ALPK2: variants seen among roughly 807,000 people sequenced by gnomAD.
The protein encoded by ALPK2 is alpha-protein kinase 2.
ALPK2 carries 127 observed loss-of-function variants against 163.1 expected under a neutral mutation model. The observed-to-expected ratio is 0.78, with a 90% CI of 0.67 to 0.90. ALPK2 has a LOEUF of 0.90. ALPK2 is among the 40% of genes least tolerant of loss of function. ALPK2 has a pLI of 0.00. For synonymous variants in ALPK2, 953 were observed against 959.1 expected, an observed-to-expected ratio of 0.99 and a Z score of 0.12; for missense variants, 2,360 against 2,589.6, an observed-to-expected ratio of 0.91 and a Z score of 1.92.
rs369763822 is a variant in ALPK2 at position 58,513,971 on chromosome 18, C to G, written c.6029+1022G>C. ...GTCCCTGCTGGAGGGCACTGTGGTT[C>G]TGTGTGTGGTAGGGTTGACTTGTGG... On this transcript the variant is annotated intron_variant, in intron 10 of 12. Coordinates refer to ENST00000361673, the MANE Select transcript of ALPK2 (RefSeq NM_052947.4). Among the ~76,000 whole-genome samples, 12 of 152,282 alleles carry G rather than the reference C, an allele frequency of 7.9e-5. No homozygotes were observed. In the South Asian group the frequency reaches 2.5e-3, roughly 32 times the overall value.
intron 4 of ALPK2, among the ~76,000 whole-genome samples, chr18:58,550,690 G>A (rs1487524583): frequency 0.011 from 172 of 15,634 alleles, no homozygotes; most frequent in African/African-American, 0.032. Context: ...CACCTCCATC[G>A]TGTACAACCC....
intron 4 of ALPK2, among the ~76,000 whole-genome samples, chr18:58,547,276 G>C (rs1163915486): frequency 6.6e-6 from 1 of 152,162 alleles, no homozygotes. Flanking sequence ...TATTAACAAT[G>C]AGAATTGTTA....
At chr18:58,545,943 T>C (rs1459036648) in intron 4 of ALPK2, among the ~76,000 whole-genome samples, 3 of 152,144 alleles carry the variant, frequency 2.0e-5, no homozygotes, top group Admixed American at 6.5e-5. Flanking sequence ...ATTCGGCCAT[T>C]TGTCATTCGA....
At chr18:58,610,275 C>CAAAAAAAA in intron 2 of ALPK2, among the ~76,000 whole-genome samples, 1 of 61,898 alleles carries the variant, frequency 1.6e-5, no homozygotes, top group Non-Finnish European at 3.0e-5. Context: ...GACCCTGTCT[C>CAAAAAAAA]AAAAAAAAAA....
In ALPK2 at chr18:58,534,851, CA is replaced by C. The variant is rs2051634509; in HGVS notation, c.5335del (p.Cys1779AlafsTer11). On this transcript the variant is annotated frameshift_variant, in exon 5 of 13. Transcript: ENST00000361673. LOFTEE classifies it high-confidence loss of function. ...AACCTCACCTCTTCCTTCTCTTTTG[CA>C]AGATGGCTTTTTTGGGTCTTGTTTC... ...EEKQDPKKPS[C>X]KREGRAPVLL... The C allele has an allele frequency of 6.2e-7, 1 of 1,608,854 alleles. No homozygotes were observed. Among genetic ancestry groups the C allele is most frequent in the African/African-American group, 1.3e-5 (1 of 74,414 alleles).
In ALPK2 at chr18:58,535,407, C is replaced by T; in HGVS notation, c.4780G>A (p.Glu1594Lys). 6.2e-7 allele frequency: 1 copy of T among 1,614,188 alleles called. No individual in the cohort carries two copies. ...VSQKRGTIEN[E>K]RGKPLPSSPD... is the part of the protein sequence containing the mutation. Reference sequence around the variant, plus strand: ...GAAGAGGGCAAAGGTTTCCCACGCTCATTCTCAATAGTTCCCCTTTTCTGT... The same window carrying T: ...GAAGAGGGCAAAGGTTTCCCACGCTTATTCTCAATAGTTCCCCTTTTCTGT... Residue 1594 changes from glutamate (E) to lysine (K), a missense_variant, in exon 5 of 13, where the codon GAG (glutamate) becomes AAG (lysine). Glu to Lys is a moderately conservative substitution (Grantham distance 56). Coordinates refer to ENST00000361673, the MANE Select transcript of ALPK2 (RefSeq NM_052947.4).
chr18:58,609,232 C>T (rs958397393), intron 2 of ALPK2, among the ~76,000 whole-genome samples: 1 of 152,146 alleles, frequency 6.6e-6, no homozygotes, highest in Admixed American at 6.5e-5. Context: ...TACCCTGGGG[C>T]TTGGAACAGA....
At chr18:58,621,709 G>A (rs574722339) in intron 1 of ALPK2, among the ~76,000 whole-genome samples, 1 of 152,160 alleles carries the variant, frequency 6.6e-6, no homozygotes, top group Admixed American at 6.5e-5. Context: ...GCCTAAGTGT[G>A]GGGGGTGGAA....
chr18:58,580,426 A>G lies in ALPK2; in HGVS notation c.350T>C (p.Leu117Pro). ...SSENPQLSPN[L>P]EDDRDRGWKH... The stretch of plus-strand genomic sequence containing the variant: ...CCAACCCCTGTCCCTGTCATCTTCC[A>G]GGTTAGGAGACAATTGTGGGTTCTC... The change falls in exon 4 of 13, where the codon CTG (leucine) becomes CCG (proline). Residue 117 changes from leucine (L) to proline (P), a missense_variant. By Grantham distance (98) the Leu-to-Pro change is moderately conservative. Transcript: ENST00000361673. 1.2e-6 allele frequency: 2 copies of G among 1,614,190 alleles called. No homozygotes were observed. Among genetic ancestry groups the G allele is most frequent in the Non-Finnish European group, 1.7e-6 (2 of 1,180,038 alleles).
chr18:58,598,783 G>A (rs1380713037), intron 3 of ALPK2, among the ~76,000 whole-genome samples: 1 of 152,154 alleles, frequency 6.6e-6, no homozygotes, highest in African/African-American at 2.4e-5. Context: ...ATTTCTACAT[G>A]AGCAATACAC....
intron 12 of ALPK2, among the ~76,000 whole-genome samples, chr18:58,484,591 A>G (rs1290952505): frequency 6.6e-6 from 1 of 152,144 alleles, no homozygotes; most frequent in Non-Finnish European, 1.5e-5. Flanking sequence ...TAAAAATACA[A>G]AAATTAGCTG....
chr18:58,548,761 A>G (rs1043091833), intron 4 of ALPK2, among the ~76,000 whole-genome samples: 4 of 152,194 alleles, frequency 2.6e-5, no homozygotes, highest in African/African-American at 4.8e-5. Context: ...GGATATTGAG[A>G]TCGCTGAGAG....
chr18:58,610,998 G>C (rs2144231561), intron 2 of ALPK2, among the ~76,000 whole-genome samples: 1 of 151,948 alleles, frequency 6.6e-6, no homozygotes, highest in South Asian at 2.1e-4. Flanking sequence ...GGAGGCTGAG[G>C]TGGGAGAATT....
At chr18:58,597,596 G>T (rs1208070460) in intron 3 of ALPK2, among the ~76,000 whole-genome samples, 1 of 152,188 alleles carries the variant, frequency 6.6e-6, no homozygotes, top group Non-Finnish European at 1.5e-5. Context: ...GATACTTAGT[G>T]TGTCTACTTA....
chr18:58,516,871 A>G, intron 9 of ALPK2, 37 bp downstream of exon 9: 1 of 1,595,744 alleles, frequency 6.3e-7, no homozygotes, highest in Non-Finnish European at 8.6e-7. Context: ...GGTGGTTCTC[A>G]CACCAGAAGT....
At chr18:58,600,546 T>C (rs2052064015) in intron 3 of ALPK2, 1 of 152,202 alleles carries the variant, frequency 6.6e-6, no homozygotes, top group South Asian at 2.1e-4. Context: ...AAGGTAACAC[T>C]GTACCCCACG....
chr18:58,513,173 G>A (rs533778609), intron 10 of ALPK2, among the ~76,000 whole-genome samples: 1 of 150,870 alleles, frequency 6.6e-6, no homozygotes, highest in East Asian at 2.0e-4. Flanking sequence ...GGTGTGTGTG[G>A]GGTGTGTGTT....
chr18:58,582,905 TGTTGA>T (rs1378923883), intron 3 of ALPK2, among the ~76,000 whole-genome samples: 5 of 152,126 alleles, frequency 3.3e-5, no homozygotes, highest in Admixed American at 3.3e-4. Context: ...AGAAAGAAAT[TGTTGA>T]GTTAAGATAA....
chr18:58,522,185 C>T (rs773194672), intron 8 of ALPK2, among the ~76,000 whole-genome samples: 8 of 152,136 alleles, frequency 5.3e-5, no homozygotes, highest in Admixed American at 2.6e-4. Flanking sequence ...GCTGGACCAC[C>T]GTGGTATGTG....
Sources: gnomAD v4.1 joint callset for allele counts (sites outside exome capture counted in the v4.1 genomes callset) on GRCh38, gnomAD v4.1.1 for gene constraint, MANE v1.5 for transcripts, NCBI Gene and HGNC (gene_info 2026-07-23, HGNC 2026-07-21) for gene names.